The following CD9 variants were observed in gnomAD, a reference collection of about 807,000 sequenced individuals.
CD9 encodes the protein CD9 antigen.
Under a neutral mutation model 31.4 loss-of-function variants are expected in CD9, and 10 were observed. The ratio of observed to expected loss-of-function variants is 0.32; its 90% CI spans 0.20 to 0.54. The LOEUF is 0.54. Ranked by LOEUF, CD9 falls within the 20% of genes least tolerant of loss-of-function variation. The probability of loss-of-function intolerance (pLI) is 0.94; values close to 1 mark genes in which losing one functional copy is unlikely to be tolerated. For missense variants in CD9, 259 were observed against 300.1 expected (o/e 0.86, Z 1.01); for synonymous variants, 113 against 114.1 (o/e 0.99, Z 0.06).
chr12:6,218,427 G>T (rs186374073), intron 1 of CD9, among the ~76,000 whole-genome samples: 2 of 152,082 alleles, frequency 1.3e-5, no homozygotes, highest in African/African-American at 2.4e-5. Context: ...CTGAAACCAC[G>T]TTCAACCCAC....
Position 6,232,259 on chromosome 12 carries a change from A to G in CD9, c.176-373A>G. On this transcript the variant is annotated intron_variant, in intron 2 of 7. Coordinates refer to ENST00000009180, the MANE Select transcript of CD9 (RefSeq NM_001769.4). This position sits in a 1 kb window ranked among gnomAD's most constrained non-coding sequence, Gnocchi z 4.8. ...AGAGTGTGGAAGGTATATGCTAACT[A>G]GCTTGAGTGGATTCATCTTGCTGGA... The G allele has an allele frequency of 3.0e-6, 1 of 335,846 alleles. No individual in the cohort carries two copies. Among genetic ancestry groups the G allele is most frequent in the Non-Finnish European group, 5.7e-6 (1 of 174,876 alleles). 20.8% of individuals were successfully genotyped at this position (335,846 alleles called of 1,614,324 possible).
rs948043622 is a variant in CD9 at position 6,225,437 on chromosome 12, T to A, written c.78T>A (p.Ile26=). 10 of 1,612,536 alleles carry A rather than the reference T, an allele frequency of 6.2e-6. No individual in the cohort carries two copies. Among genetic ancestry groups the A allele is most frequent in the African/African-American group, 4.0e-5 (3 of 74,888 alleles). The change falls in exon 2 of 8, where the codon ATT becomes ATA. Residue 26 remains isoleucine, a synonymous_variant. Coordinates refer to ENST00000009180, the MANE Select transcript of CD9 (RefSeq NM_001769.4). ...GFNFIFWLAG[I]AVLAIGLWLR... ...TGTATGTCTTGCAGCTTGCCGGGAT[T>A]GCTGTCCTTGCCATTGGACTATGGC...
At chr12:6,215,881 G>A (rs1015939815) in intron 1 of CD9, among the ~76,000 whole-genome samples, 2 of 152,218 alleles carry the variant, frequency 1.3e-5, no homozygotes. Flanking sequence ...GCTGATTACA[G>A]CGGAGTTTTG....
At position 6,235,291 on chromosome 12, in the gene CD9, G is replaced by C. The variant is rs1434711956; in HGVS notation, c.411G>C (p.Glu137Asp). 6.2e-7 allele frequency: 1 copy of C among 1,614,016 alleles called. No homozygotes were observed. The highest frequency in any genetic ancestry group is 1.7e-5 in the Admixed American group (1 of 60,026). The change falls in exon 5 of 8, where the codon GAG becomes GAC. Residue 137 changes from glutamate (E) to aspartate (D), a missense_variant. Physicochemically the swap from Glu to Asp is conservative, Grantham distance 45. Transcript: ENST00000009180. ...DTYNKLKTKD[E>D]PQRETLKAIH... ...ACAACAAGCTGAAAACCAAGGATGA[G>C]CCCCAGCGGGAAACGCTGAAAGCCA...
At chr12:6,227,875 C>T (rs11568287) in intron 2 of CD9, among the ~76,000 whole-genome samples, 4,310 of 152,264 alleles carry the variant, frequency 0.028, 102 homozygotes, top group Non-Finnish European at 0.043. Context: ...GCGTCGGTGG[C>T]CCAGCCAGCA....
At chr12:6,207,298 C>T (rs1019152057) in intron 1 of CD9, among the ~76,000 whole-genome samples, 4 of 152,172 alleles carry the variant, frequency 2.6e-5, no homozygotes, top group South Asian at 2.1e-4. Flanking sequence ...CACCGTTCCC[C>T]GGGGGCTGCA....
rs546737203 is a variant in CD9, at chr12:6,236,078, C to G, written c.538-114C>G. ...CTCTTATCCCCGAACACTCCTGTCCCCAGCCCACCCTCTGCCCACCAGTTC... is the reference window on the plus strand; with the variant it reads ...CTCTTATCCCCGAACACTCCTGTCCGCAGCCCACCCTCTGCCCACCAGTTC... On this transcript the variant is annotated intron_variant, in intron 6 of 7. Coordinates refer to ENST00000009180, the MANE Select transcript of CD9 (RefSeq NM_001769.4). 2.2e-4 allele frequency: 342 copies of G among 1,521,994 alleles called. No homozygotes were observed. In the African/African-American group the frequency reaches 4.1e-3, roughly 18 times the overall value. 94.3% of individuals were successfully genotyped at this position (1,521,994 alleles called of 1,614,324 possible).
intron 1 of CD9, among the ~76,000 whole-genome samples, chr12:6,222,665 C>T (rs911571166): frequency 6.6e-6 from 1 of 152,196 alleles, no homozygotes; most frequent in Non-Finnish European, 1.5e-5. Flanking sequence ...GCACAGAGAC[C>T]GGATCAATGA....
At chr12:6,226,918 T>G (rs1287769846) in intron 2 of CD9, among the ~76,000 whole-genome samples, 16 of 152,158 alleles carry the variant, frequency 1.1e-4, no homozygotes, top group Non-Finnish European at 2.2e-4. Flanking sequence ...CTCCACGCCG[T>G]GTTCCAGAAG....
chr12:6,201,537 C>T (rs888808230), intron 1 of CD9, among the ~76,000 whole-genome samples: 2 of 152,246 alleles, frequency 1.3e-5, no homozygotes, highest in Non-Finnish European at 2.9e-5. Flanking sequence ...GAGACACCTG[C>T]TGCAGGCCAC....
chr12:6,217,388 A>T (rs1298303183), intron 1 of CD9, among the ~76,000 whole-genome samples: 1 of 152,064 alleles, frequency 6.6e-6, no homozygotes, highest in Non-Finnish European at 1.5e-5. Flanking sequence ...AAAATTAGCC[A>T]TGTATGGTGG....
chr12:6,237,688 C>G, intron 7 of CD9, 75 bp from the exon 8 acceptor site: 1 of 1,099,070 alleles, frequency 9.1e-7, no homozygotes, highest in Non-Finnish European at 1.4e-6. Flanking sequence ...ACTGGGTGAC[C>G]CATGTCTCTC....
rs1172119718 is a variant in CD9, at chr12:6,232,639, T to C, written c.183T>C (p.Tyr61=). ...TCCTCTGTCCTCCCGCAGGAGTCTA[T>C]ATTCTGATCGGAGCCGGCGCCCTCA... ...NNNSSFYTGV[Y]ILIGAGALMM... is the part of the protein sequence containing the mutation. The change falls in exon 3 of 8, where the codon TAT becomes TAC. Residue 61 remains tyrosine (Y), a synonymous_variant. Coordinates refer to ENST00000009180, the MANE Select transcript of CD9 (RefSeq NM_001769.4). The surrounding 1 kb of genome is among the most constrained non-coding windows in gnomAD (Gnocchi z 4.8). 6.4e-7 allele frequency: 1 copy of C among 1,571,424 alleles called. No individual in the cohort carries two copies. The highest frequency in any genetic ancestry group is 8.6e-7 in the Non-Finnish European group (1 of 1,160,202).
At chr12:6,211,294 G>T (rs1946191958) in intron 1 of CD9, among the ~76,000 whole-genome samples, 1 of 152,220 alleles carries the variant, frequency 6.6e-6, no homozygotes, top group South Asian at 2.1e-4. Flanking sequence ...CTTGCTGCTA[G>T]TAATTAGGTG....
intron 1 of CD9, among the ~76,000 whole-genome samples, chr12:6,217,519 A>G (rs1377023275): frequency 3.9e-5 from 6 of 152,152 alleles, no homozygotes; most frequent in Admixed American, 3.9e-4. Flanking sequence ...TGACAGATTG[A>G]GACCTGTCTC....
In CD9 at chr12:6,236,171, G is replaced by C. The variant is rs761969139; in HGVS notation, c.538-21G>C. On this transcript the variant is annotated intron_variant, in intron 6 of 7. Transcript: ENST00000009180. ...GGAGGAAGGATTGTGTGTGACCCAG[G>C]TCTTGGTTTGTCTCCCCAAGTCCTG... 9 of 1,613,896 alleles carry C rather than the reference G, an allele frequency of 5.6e-6. No homozygotes were observed. In the South Asian group the frequency reaches 9.9e-5, roughly 18 times the overall value.
intron 7 of CD9, 155 bp downstream of exon 7, chr12:6,236,430 A>G (rs547613694): frequency 3.5e-5 from 23 of 661,950 alleles, no homozygotes; most frequent in Middle Eastern, 4.0e-4. Context: ...GAATGGAGAG[A>G]CAGAGAGGCC....
Position 6,219,571 on chromosome 12 carries a change from C to T in CD9, c.67-5855C>T, listed in dbSNP as rs1021786876. 5.3e-5 allele frequency among the ~76,000 whole-genome samples: 8 copies of T among 151,112 alleles called. No homozygotes were observed. The East Asian group carries it at 5.9e-4, about 11-fold the overall frequency. On this transcript the variant is annotated intron_variant, in intron 1 of 7. Coordinates refer to ENST00000009180, the MANE Select transcript of CD9 (RefSeq NM_001769.4). ...CGTGATCTCGGCTCACTGCAAGCTC[C>T]GCCTCCCGGGTTCACTCCATTCTCC...
intron 1 of CD9, among the ~76,000 whole-genome samples, chr12:6,221,885 C>G (rs917774819): frequency 1.1e-4 from 17 of 151,210 alleles, no homozygotes; most frequent in Admixed American, 9.2e-4. Context: ...ATCCCAGCTA[C>G]TCAGGAGGCT....
Sources: allele counts gnomAD v4.1 joint callset (sites outside exome capture counted in the v4.1 genomes callset), GRCh38; gene constraint gnomAD v4.1.1; non-coding constraint Gnocchi (gnomAD v3.1); transcripts MANE v1.5; gene names NCBI Gene and HGNC (gene_info 2026-07-23, HGNC 2026-07-21).